Variants in ERC1 observed in about 807,000 individuals in gnomAD.
ERC1 encodes the protein RAB6 interacting protein 2.
ERC1 carries 56 observed loss-of-function variants against 132.0 expected under a neutral mutation model. The observed-to-expected ratio is 0.42, with a 90% CI of 0.34 to 0.53. ERC1 has a LOEUF of 0.53. ERC1 is among the 20% of genes least tolerant of loss of function. The pLI is 0.03. For missense variants in ERC1, 1,202 were observed against 1,349.9 expected, an observed-to-expected ratio of 0.89 and a Z score of 1.72; for synonymous variants, 478 against 476.1, an observed-to-expected ratio of 1.00 and a Z score of -0.05.
chr12:1,424,838 GATA>G (rs1358770933), intron 17 of ERC1, among the ~76,000 whole-genome samples: 7 of 86,354 alleles, frequency 8.1e-5, no homozygotes, highest in African/African-American at 2.3e-4. Flanking sequence ...TAGATAGATA[GATA>G]GATGATAGAT....
intron 2 of ERC1, among the ~76,000 whole-genome samples, chr12:1,035,624 A>G (rs1375820976): frequency 6.6e-6 from 1 of 152,156 alleles, no homozygotes; most frequent in Non-Finnish European, 1.5e-5. Flanking sequence ...CTGCAGAGCT[A>G]CTAAGACTTT....
At chr12:1,175,623 T>C (rs1487140073) in intron 8 of ERC1, among the ~76,000 whole-genome samples, 3 of 151,564 alleles carry the variant, frequency 2.0e-5, no homozygotes, top group Non-Finnish European at 4.4e-5. Flanking sequence ...AACCTCTGCC[T>C]CCTGGGTTCA....
chr12:1,157,713 G>T (rs1228229033), intron 8 of ERC1, among the ~76,000 whole-genome samples: 1 of 152,110 alleles, frequency 6.6e-6, no homozygotes, highest in Non-Finnish European at 1.5e-5. Context: ...ATTGAATGTG[G>T]TATCTCAGAA....
intron 17 of ERC1, among the ~76,000 whole-genome samples, chr12:1,438,442 A>G (rs574494324): frequency 6.6e-6 from 1 of 152,344 alleles, no homozygotes; most frequent in African/African-American, 2.4e-5. Context: ...TGACAGTCCA[A>G]TAAGAAATCA....
chr12:1,112,577 GTTTC>G (rs1946011148), intron 6 of ERC1, among the ~76,000 whole-genome samples: 2 of 152,188 alleles, frequency 1.3e-5, no homozygotes, highest in East Asian at 1.9e-4. Flanking sequence ...TTCAAAGCCT[GTTTC>G]TTTCTCAACC....
chr12:1,338,149 C>T (rs1409929929), intron 15 of ERC1, among the ~76,000 whole-genome samples: 1 of 152,116 alleles, frequency 6.6e-6, no homozygotes, highest in African/African-American at 2.4e-5. Flanking sequence ...TTACGCTCTC[C>T]CCATCTCTTT....
intron 14 of ERC1, among the ~76,000 whole-genome samples, chr12:1,287,199 A>G (rs1253936360): frequency 6.6e-6 from 1 of 152,228 alleles, no homozygotes; most frequent in Admixed American, 6.5e-5. Context: ...GGCTATCCAT[A>G]TGGGGAAAAA....
intron 12 of ERC1, among the ~76,000 whole-genome samples, chr12:1,226,040 G>A (rs1488351284): frequency 1.3e-5 from 2 of 152,134 alleles, no homozygotes; most frequent in Non-Finnish European, 2.9e-5. Flanking sequence ...TTGTTAAAAT[G>A]AGAAATAAAA....
intron 13 of ERC1, among the ~76,000 whole-genome samples, chr12:1,240,733 T>G (rs1566351786): frequency 6.6e-6 from 1 of 152,130 alleles, no homozygotes; most frequent in Non-Finnish European, 1.5e-5. Context: ...AAATTATAAA[T>G]TTTAATTAAC....
intron 17 of ERC1, among the ~76,000 whole-genome samples, chr12:1,425,427 A>G (rs1049116412): frequency 1.3e-5 from 2 of 152,200 alleles, no homozygotes; most frequent in African/African-American, 2.4e-5. Context: ...CTTAAGTACC[A>G]GCATTCTCAC....
Position 1,141,649 on chromosome 12 carries a change from G to C in ERC1, c.1599G>C (p.Glu533Asp). The change falls in exon 8 of 19, where the codon GAG (glutamate) becomes GAC (aspartate). Residue 533 changes from glutamate to aspartate, a missense_variant. By Grantham distance (45) the Glu-to-Asp change is conservative. Coordinates refer to ENST00000360905, the MANE Select transcript of ERC1 (RefSeq NM_178040.4). ...ATGCTCTCCGATTGCGTTTGGAAGA[G>C]AAGGAAACCATGTTGAATAAAAAGA... is the stretch of plus-strand genomic sequence containing the variant. ...EVDALRLRLE[E>D]KETMLNKKTK... The C allele has an allele frequency of 4.3e-6, 7 of 1,612,412 alleles. No homozygotes were observed. Among genetic ancestry groups the C allele is most frequent in the Non-Finnish European group, 5.9e-6 (7 of 1,179,082 alleles).
chr12:1,306,790 T>C (rs1288567085), intron 15 of ERC1, among the ~76,000 whole-genome samples: 2 of 152,196 alleles, frequency 1.3e-5, no homozygotes, highest in Admixed American at 6.5e-5. Flanking sequence ...CAGACATCTA[T>C]ACATGTTTCA....
chr12:1,293,584 G>A (rs61913068), intron 15 of ERC1, among the ~76,000 whole-genome samples: 19,934 of 106,140 alleles, frequency 0.19, 5,105 homozygotes, highest in Middle Eastern at 0.28. Context: ...AGCCGAGATC[G>A]TGCCATTGCA....
At chr12:1,426,195 C>G (rs1004519637) in intron 17 of ERC1, among the ~76,000 whole-genome samples, 1 of 151,772 alleles carries the variant, frequency 6.6e-6, no homozygotes, top group African/African-American at 2.4e-5. Flanking sequence ...CCTCCACCTC[C>G]TGGGTTCAAG....
intron 6 of ERC1, 85 bp downstream of exon 6, chr12:1,112,383 C>G (rs927686349): frequency 1.1e-6 from 1 of 919,450 alleles, no homozygotes; most frequent in African/African-American, 1.7e-5. Context: ...GTGGCTTACC[C>G]TTTCATTCTC....
At chr12:1,480,838 CA>C in intron 18 of ERC1, 1 of 702,388 alleles carries the variant, frequency 1.4e-6, no homozygotes, top group Non-Finnish European at 2.6e-6. Context: ...CCAACTTATC[CA>C]CAGAATCCGT....
intron 16 of ERC1, among the ~76,000 whole-genome samples, chr12:1,402,302 G>A (rs2091136840): frequency 6.6e-6 from 1 of 152,178 alleles, no homozygotes; most frequent in Admixed American, 6.5e-5. Context: ...GGCCAAGGCA[G>A]GTGGATCACT....
At chr12:1,394,163 G>A (rs1211113309) in intron 16 of ERC1, among the ~76,000 whole-genome samples, 1 of 151,876 alleles carries the variant, frequency 6.6e-6, no homozygotes, top group Non-Finnish European at 1.5e-5. Flanking sequence ...CACTTTGGGA[G>A]GCCAAGGCGG....
chr12:1,138,215 A>G (rs1387699934), intron 7 of ERC1, among the ~76,000 whole-genome samples: 4 of 124,498 alleles, frequency 3.2e-5, no homozygotes, highest in Admixed American at 9.4e-5. Context: ...TATATATTAT[A>G]TAATATATAT....
Sources: gnomAD v4.1 joint callset for allele counts (sites outside exome capture counted in the v4.1 genomes callset) on GRCh38, gnomAD v4.1.1 for gene constraint, MANE v1.5 for transcripts, NCBI Gene and HGNC (gene_info 2026-07-23, HGNC 2026-07-21) for gene names.